MARCHF1: variants seen among roughly 807,000 people sequenced by gnomAD.
The protein encoded by MARCHF1 is membrane associated ring-CH-type finger 1, also known as E3 ubiquitin-protein ligase MARCHF1.
A neutral mutation model predicts 54.2 loss-of-function variants in MARCHF1; 40 were observed. That is an observed-to-expected ratio of 0.74 (90% CI 0.57 to 0.96). The LOEUF (loss-of-function observed/expected upper bound fraction) is 0.96. Among genes scored for constraint, MARCHF1 ranks in the 40% least tolerant of loss-of-function variants. The pLI is 0.00. For synonymous variants in MARCHF1, 236 were observed against 236.3 expected (o/e 1.00, Z 0.01); for missense variants, 586 against 656.5 (o/e 0.89, Z 1.17).
At chr4:163,713,039 T>A (rs1355457223) in intron 4 of MARCHF1, among the ~76,000 whole-genome samples, 1 of 152,174 alleles carries the variant, frequency 6.6e-6, no homozygotes, top group Non-Finnish European at 1.5e-5. Context: ...TCGACTCATC[T>A]CCTTTCATCA....
intron 4 of MARCHF1, among the ~76,000 whole-genome samples, chr4:163,706,759 T>C (rs940273528): frequency 2.0e-5 from 3 of 151,846 alleles, no homozygotes; most frequent in African/African-American, 7.3e-5. Context: ...TAAAATGATC[T>C]TAAAAAACAA....
chr4:163,980,527 T>G (rs551485200), intron 3 of MARCHF1, among the ~76,000 whole-genome samples: 21 of 152,154 alleles, frequency 1.4e-4, no homozygotes, highest in African/African-American at 5.1e-4. Flanking sequence ...GGGATCTAAT[T>G]AAACTAAAGA....
intron 2 of MARCHF1, among the ~76,000 whole-genome samples, chr4:163,992,971 T>C (rs576012420): frequency 6.6e-6 from 1 of 152,022 alleles, no homozygotes; most frequent in South Asian, 2.1e-4. Context: ...AAAGTGTCAT[T>C]GCAAAGAGTG....
At chr4:163,888,385 T>C (rs4405974) in intron 3 of MARCHF1, among the ~76,000 whole-genome samples, 1 of 152,058 alleles carries the variant, frequency 6.6e-6, no homozygotes, top group Admixed American at 6.5e-5. Flanking sequence ...AGGCAGCCCT[T>C]ATAGAATTCT....
At chr4:163,681,587 T>C (rs1194826414) in intron 5 of MARCHF1, among the ~76,000 whole-genome samples, 1 of 152,212 alleles carries the variant, frequency 6.6e-6, no homozygotes, top group Non-Finnish European at 1.5e-5. Context: ...TAGTGAGTAC[T>C]CATGAGACCT....
chr4:164,279,946 G>T (rs1733985304), intron 1 of MARCHF1, among the ~76,000 whole-genome samples: 1 of 151,574 alleles, frequency 6.6e-6, no homozygotes, highest in Non-Finnish European at 1.5e-5. Flanking sequence ...AACTAAGTAT[G>T]TATTATTCTG....
Position 163,524,762 on chromosome 4 carries a change from AATT to A in MARCHF1, c.*3983_*3985del, listed in dbSNP as rs1738040911. 1 of 152,352 alleles carries A rather than the reference AATT, an allele frequency of 6.6e-6. No individual in the cohort carries two copies. The highest frequency in any genetic ancestry group is 2.1e-4 in the South Asian group (1 of 4,826). The allele number at this position is 152,352 out of a possible 1,614,324, so 9.4% of individuals were successfully genotyped here. A position where few individuals can be genotyped will look rare whatever the true frequency, so the allele number is the denominator to read the frequency against. On this transcript the variant is annotated 3_prime_UTR_variant, in exon 10 of 10. Coordinates refer to ENST00000514618, the MANE Select transcript of MARCHF1 (RefSeq NM_001394959.1). ...TTAATATACAAAGTCTTTCACAGAT[AATT>A]ATTTTCTTTTTCTTAATTTGCTTTA...
intron 5 of MARCHF1, among the ~76,000 whole-genome samples, chr4:163,638,535 T>G (rs2111024447): frequency 6.6e-6 from 1 of 152,296 alleles, no homozygotes; most frequent in African/African-American, 2.4e-5. Flanking sequence ...GGTGCTGTGC[T>G]TCCTCTACAA....
chr4:163,609,341 T>G (rs543141759), intron 7 of MARCHF1, among the ~76,000 whole-genome samples: 1 of 152,208 alleles, frequency 6.6e-6, no homozygotes, highest in South Asian at 2.1e-4. Context: ...CATTTACTGT[T>G]GTCCCAAGTT....
chr4:163,712,796 G>C (rs1040626948), intron 4 of MARCHF1, among the ~76,000 whole-genome samples: 1 of 152,066 alleles, frequency 6.6e-6, no homozygotes, highest in Non-Finnish European at 1.5e-5. Flanking sequence ...TTCAGGTTTT[G>C]CCCTCAGTGT....
chr4:163,654,554 T>C (rs1004875344), intron 5 of MARCHF1, among the ~76,000 whole-genome samples: 3 of 151,722 alleles, frequency 2.0e-5, no homozygotes, highest in African/African-American at 7.2e-5. Context: ...GCATACAATT[T>C]AAGAATTAAG....
At chr4:164,033,380 T>G (rs115274284) in intron 2 of MARCHF1, among the ~76,000 whole-genome samples, 2,016 of 152,162 alleles carry the variant, frequency 0.013, 39 homozygotes, top group African/African-American at 0.043. Context: ...GCTTTTATGA[T>G]GAAATCACCT....
intron 1 of MARCHF1, among the ~76,000 whole-genome samples, chr4:164,367,701 C>T (rs1256826247): frequency 7.4e-6 from 1 of 135,154 alleles, no homozygotes; most frequent in Admixed American, 8.1e-5. Context: ...TTACATTATG[C>T]ATATTTCTTA....
chr4:163,636,520 T>C (rs1742331906), intron 5 of MARCHF1, among the ~76,000 whole-genome samples: 2 of 148,576 alleles, frequency 1.3e-5, no homozygotes, highest in South Asian at 4.4e-4. Flanking sequence ...ATAAAATACC[T>C]AGGAATCCAA....
At chr4:164,142,130 G>A (rs373962017) in intron 1 of MARCHF1, among the ~76,000 whole-genome samples, 2 of 152,164 alleles carry the variant, frequency 1.3e-5, no homozygotes, top group Non-Finnish European at 2.9e-5. Context: ...AAAACACAGC[G>A]CACCTGGAGA....
intron 3 of MARCHF1, among the ~76,000 whole-genome samples, chr4:163,878,834 G>C (rs1343440032): frequency 6.6e-6 from 1 of 152,182 alleles, no homozygotes; most frequent in Non-Finnish European, 1.5e-5. Flanking sequence ...AGCAATTGCA[G>C]AGTAATTAGG....
chr4:163,827,706 T>G (rs1748892951), intron 4 of MARCHF1, among the ~76,000 whole-genome samples: 2 of 152,174 alleles, frequency 1.3e-5, no homozygotes, highest in Admixed American at 6.6e-5. Context: ...ACTCCAGGGA[T>G]GCTTTGTAAG....
intron 2 of MARCHF1, among the ~76,000 whole-genome samples, chr4:164,078,988 C>A (rs1755036311): frequency 6.6e-6 from 1 of 152,110 alleles, no homozygotes; most frequent in African/African-American, 2.4e-5. Flanking sequence ...AAACTCTTAA[C>A]AATCACGGAT....
intron 9 of MARCHF1, among the ~76,000 whole-genome samples, chr4:163,536,944 A>C (rs1738556449): frequency 6.6e-6 from 1 of 152,090 alleles, no homozygotes; most frequent in Non-Finnish European, 1.5e-5. Flanking sequence ...CCCAATCCCC[A>C]CATACAAAAG....
Sources: allele counts gnomAD v4.1 joint callset (sites outside exome capture counted in the v4.1 genomes callset), GRCh38; gene constraint gnomAD v4.1.1; transcripts MANE v1.5; gene names NCBI Gene and HGNC (gene_info 2026-07-23, HGNC 2026-07-21).